Variants in ACTR3C observed in about 807,000 individuals in gnomAD.
The protein encoded by ACTR3C is actin-related protein 3C.
A neutral mutation model predicts 26.3 loss-of-function variants in ACTR3C; 18 were observed. The observed-to-expected ratio is 0.68, with a 90% CI of 0.47 to 1.01. The LOEUF (loss-of-function observed/expected upper bound fraction) is 1.01. ACTR3C is among the 50% of genes least tolerant of loss of function. ACTR3C has a pLI of 0.00. For missense variants in ACTR3C, 184 were observed against 250.7 expected (o/e 0.73, Z 1.80); for synonymous variants, 55 against 94.5 (o/e 0.58, Z 2.42).
the ACTR3C span, among the ~76,000 whole-genome samples, chr7:150,111,479 C>A: frequency 2.2e-5 from 2 of 91,304 alleles, 1 homozygote; most frequent in Non-Finnish European, 4.3e-5. Flanking sequence ...CACACACTTG[C>A]ACACTCACTC....
the ACTR3C span, among the ~76,000 whole-genome samples, chr7:149,988,112 C>T: frequency 1.3e-5 from 2 of 152,180 alleles, no homozygotes; most frequent in Non-Finnish European, 2.9e-5. Flanking sequence ...CCCAGTGGCT[C>T]CCCAGCCCAC....
the ACTR3C span, among the ~76,000 whole-genome samples, chr7:150,150,427 T>C: frequency 6.6e-6 from 1 of 152,070 alleles, no homozygotes; most frequent in Admixed American, 6.6e-5. Flanking sequence ...TTGCCTTGCA[T>C]CCGTTCCACA....
chr7:150,035,444 CG>C, the ACTR3C span, among the ~76,000 whole-genome samples: 25 of 34,356 alleles, frequency 7.3e-4, 5 homozygotes, highest in East Asian at 6.3e-3. Flanking sequence ...CCCTGACTCG[CG>C]GGGGGTGCCT....
the ACTR3C span, among the ~76,000 whole-genome samples, chr7:150,077,172 A>T: frequency 6.6e-6 from 1 of 151,854 alleles, no homozygotes; most frequent in Non-Finnish European, 1.5e-5. Flanking sequence ...TCAAAAAAAA[A>T]TTCCAAAGGC....
chr7:149,916,310 C>T, the ACTR3C span, among the ~76,000 whole-genome samples: 1 of 135,400 alleles, frequency 7.4e-6, no homozygotes, highest in Non-Finnish European at 1.6e-5. Context: ...GATAACTTTT[C>T]TACTGGAGTT....
At chr7:150,309,764 G>A (rs1431107959) in intron 1 of ACTR3C, among the ~76,000 whole-genome samples, 1 of 152,202 alleles carries the variant, frequency 6.6e-6, no homozygotes. Flanking sequence ...GGCCCCTGGA[G>A]CTCTGGATCA....
chr7:150,233,652 T>C, the ACTR3C span, among the ~76,000 whole-genome samples: 8 of 152,022 alleles, frequency 5.3e-5, no homozygotes, highest in East Asian at 1.5e-3. Flanking sequence ...CAGTGATTTT[T>C]ATTATTTCTA....
At chr7:150,183,192 A>T in the ACTR3C span, among the ~76,000 whole-genome samples, 1 of 150,644 alleles carries the variant, frequency 6.6e-6, no homozygotes, top group Admixed American at 6.6e-5. Flanking sequence ...ATATTCTTTT[A>T]AATTCCAAGC....
the ACTR3C span, among the ~76,000 whole-genome samples, chr7:150,043,188 G>A: frequency 3.7e-3 from 560 of 150,412 alleles, 5 homozygotes; most frequent in Non-Finnish European, 5.0e-3. Flanking sequence ...GGTACCTGCC[G>A]TCGGAAGATT....
chr7:150,227,203 GC>G, the ACTR3C span, among the ~76,000 whole-genome samples: 5 of 151,518 alleles, frequency 3.3e-5, no homozygotes, highest in South Asian at 8.4e-4. Flanking sequence ...ATCAGGTGTG[GC>G]CATCATGCAG....
chr7:149,897,206 T>G, the ACTR3C span, among the ~76,000 whole-genome samples: 2 of 152,196 alleles, frequency 1.3e-5, no homozygotes, highest in African/African-American at 2.4e-5. Flanking sequence ...TTAATACTGG[T>G]TAACCATGGA....
the ACTR3C span, among the ~76,000 whole-genome samples, chr7:150,035,713 G>T: frequency 2.9e-4 from 40 of 139,050 alleles, 4 homozygotes; most frequent in East Asian, 6.5e-3. Context: ...CCTAAGCCAG[G>T]GGGTGAAGAT....
At chr7:149,972,024 C>T in the ACTR3C span, among the ~76,000 whole-genome samples, 9 of 152,208 alleles carry the variant, frequency 5.9e-5, no homozygotes, top group Non-Finnish European at 1.3e-4. Flanking sequence ...AGGTTCGGAA[C>T]ACAATCTGTG....
the ACTR3C span, among the ~76,000 whole-genome samples, chr7:149,989,771 T>C: frequency 7.2e-5 from 11 of 152,280 alleles, no homozygotes; most frequent in Non-Finnish European, 1.5e-5. Context: ...GACAAGCTGA[T>C]TTCAGTTCCT....
chr7:150,142,755 C>A, the ACTR3C span, among the ~76,000 whole-genome samples: 1 of 152,106 alleles, frequency 6.6e-6, no homozygotes, highest in Admixed American at 6.5e-5. Context: ...TCTTGAACTC[C>A]TGACCTCAGG....
intron 6 of ACTR3C, among the ~76,000 whole-genome samples, chr7:150,256,341 A>G (rs1392810267): frequency 1.3e-5 from 2 of 152,252 alleles, no homozygotes; most frequent in African/African-American, 2.4e-5. Context: ...TCTTTGAGAA[A>G]TCTCCAAACT....
At chr7:150,022,478 A>C in the ACTR3C span, among the ~76,000 whole-genome samples, 1 of 151,742 alleles carries the variant, frequency 6.6e-6, no homozygotes, top group African/African-American at 2.4e-5. Context: ...TATGAAAGGC[A>C]TATACCAATC....
At chr7:150,198,183 T>C in the ACTR3C span, among the ~76,000 whole-genome samples, 1 of 149,680 alleles carries the variant, frequency 6.7e-6, no homozygotes, top group Admixed American at 6.6e-5. Flanking sequence ...TGGCGTGATC[T>C]CGGCTCACTA....
the ACTR3C span, among the ~76,000 whole-genome samples, chr7:149,901,554 A>G: frequency 1.3e-5 from 2 of 151,598 alleles, no homozygotes; most frequent in East Asian, 1.9e-4. Context: ...GAGTTTATAA[A>G]TGACTTAAAC....
Sources: allele counts gnomAD v4.1 joint callset (sites outside exome capture counted in the v4.1 genomes callset), GRCh38; gene constraint gnomAD v4.1.1; transcripts MANE v1.5; gene names NCBI Gene and HGNC (gene_info 2026-07-23, HGNC 2026-07-21).